Variants in METAP1 observed in about 807,000 individuals in gnomAD.
METAP1 encodes the protein methionyl aminopeptidase 1, also known as methionine aminopeptidase 1.
Under a neutral mutation model 53.8 loss-of-function variants are expected in METAP1, and 28 were observed. That is an observed-to-expected ratio of 0.52 (90% CI 0.39 to 0.71). The LOEUF (loss-of-function observed/expected upper bound fraction) is 0.71. Among genes scored for constraint, METAP1 ranks in the 30% least tolerant of loss-of-function variants. METAP1 has a pLI of 0.00. For missense variants in METAP1, 389 were observed against 479.8 expected (o/e 0.81, Z 1.77); for synonymous variants, 181 against 165.7 (o/e 1.09, Z -0.71).
At chr4:99,019,678 T>C (rs1219958469) in intron 1 of METAP1, among the ~76,000 whole-genome samples, 1 of 152,220 alleles carries the variant, frequency 6.6e-6, no homozygotes, top group Non-Finnish European at 1.5e-5. Context: ...TTGCCTTTTG[T>C]TTTTGTCTGT....
intron 9 of METAP1, among the ~76,000 whole-genome samples, chr4:99,050,172 C>CA (rs1318014277): frequency 2.6e-5 from 4 of 152,048 alleles, no homozygotes; most frequent in Non-Finnish European, 5.9e-5. Flanking sequence ...GGTGGGTGAA[C>CA]ATGGGTGCTT....
chr4:99,023,165 T>C, intron 1 of METAP1: 1 of 636,266 alleles, frequency 1.6e-6, no homozygotes. Context: ...CCTAATTTCA[T>C]TACTTCTAAT....
chr4:99,006,116 A>G (rs960656156), intron 1 of METAP1, among the ~76,000 whole-genome samples: 1 of 152,150 alleles, frequency 6.6e-6, no homozygotes, highest in Admixed American at 6.5e-5. Flanking sequence ...GCCAGTCTGG[A>G]GTTGTGTATT....
chr4:99,044,828 G>A (rs759830773), intron 7 of METAP1, among the ~76,000 whole-genome samples: 7 of 152,172 alleles, frequency 4.6e-5, no homozygotes, highest in Non-Finnish European at 1.0e-4. Context: ...ATGGTATTTT[G>A]TAGCAATGTA....
chr4:99,014,240 T>G (rs1028869842), intron 1 of METAP1, among the ~76,000 whole-genome samples: 1 of 152,228 alleles, frequency 6.6e-6, no homozygotes, highest in African/African-American at 2.4e-5. Context: ...TTAGCTAGCT[T>G]GTTTGATAAA....
chr4:99,008,433 A>AGG (rs1181574900), intron 1 of METAP1, among the ~76,000 whole-genome samples: 1 of 152,220 alleles, frequency 6.6e-6, no homozygotes, highest in East Asian at 1.9e-4. Context: ...TGTTATAAAA[A>AGG]GGAGTACATG....
At chr4:99,037,170 A>G (rs1725482260) in intron 4 of METAP1, among the ~76,000 whole-genome samples, 1 of 151,722 alleles carries the variant, frequency 6.6e-6, no homozygotes, top group African/African-American at 2.4e-5. Flanking sequence ...TTAGAGTACT[A>G]GTTTTTTCCA....
At chr4:99,056,193 G>A (rs867179864) in intron 9 of METAP1, among the ~76,000 whole-genome samples, 3 of 152,164 alleles carry the variant, frequency 2.0e-5, no homozygotes, top group Admixed American at 6.5e-5. Context: ...GAACAACCTC[G>A]CAGAGGAACC....
chr4:99,027,865 T>C (rs1371969629), intron 1 of METAP1, among the ~76,000 whole-genome samples: 3 of 152,164 alleles, frequency 2.0e-5, no homozygotes, highest in Non-Finnish European at 4.4e-5. Flanking sequence ...CTAGCTGAGG[T>C]TGGAGAAACT....
intron 1 of METAP1, among the ~76,000 whole-genome samples, chr4:99,009,579 G>C (rs1336072631): frequency 6.6e-6 from 1 of 152,124 alleles, no homozygotes; most frequent in African/African-American, 2.4e-5. Context: ...GGTATGAGCT[G>C]ATACTTCATA....
At chr4:99,051,741 A>G (rs951638785) in intron 9 of METAP1, among the ~76,000 whole-genome samples, 5 of 151,994 alleles carry the variant, frequency 3.3e-5, no homozygotes, top group South Asian at 2.1e-4. Context: ...AAAATATGCA[A>G]TGATCACTGT....
intron 1 of METAP1, chr4:99,022,713 C>A: frequency 6.6e-7 from 1 of 1,514,502 alleles, no homozygotes; most frequent in South Asian, 1.2e-5. Context: ...TTCCATAGGT[C>A]ATAATGGGAG....
At chr4:98,995,900 G>A (rs1463705192) in intron 1 of METAP1, 33 bp downstream of exon 1, 16 of 1,488,428 alleles carry the variant, frequency 1.1e-5, no homozygotes, top group Non-Finnish European at 1.5e-5. Context: ...ATATGCCGCC[G>A]CTGCGGGACC....
At chr4:99,045,889 A>G (rs1394714392) in intron 8 of METAP1, among the ~76,000 whole-genome samples, 1 of 152,230 alleles carries the variant, frequency 6.6e-6, no homozygotes, top group Non-Finnish European at 1.5e-5. Context: ...AAGTTAGCAT[A>G]TATACCTACA....
chr4:99,023,973 A>G (rs1294616866), intron 1 of METAP1, among the ~76,000 whole-genome samples: 1 of 152,202 alleles, frequency 6.6e-6, no homozygotes, highest in Non-Finnish European at 1.5e-5. Flanking sequence ...ACTACTCCTC[A>G]TATTGTCTTA....
intron 1 of METAP1, among the ~76,000 whole-genome samples, chr4:99,015,325 CTGGGG>C (rs1723695195): frequency 1.3e-5 from 2 of 152,106 alleles, no homozygotes; most frequent in African/African-American, 2.4e-5. Flanking sequence ...GCCGAGACTA[CTGGGG>C]TTGGAGAAGG....
At chr4:99,003,262 T>C (rs1442362483) in intron 1 of METAP1, among the ~76,000 whole-genome samples, 1 of 152,136 alleles carries the variant, frequency 6.6e-6, no homozygotes, top group Non-Finnish European at 1.5e-5. Context: ...CAGAGACTTC[T>C]CTGTGTTTTG....
rs1388979857 is a variant in METAP1, at chr4:99,004,485, ACACAC to A, written c.114+8619_114+8623del. Among the ~76,000 whole-genome samples, 28 of 59,240 alleles carry A rather than the reference ACACAC, an allele frequency of 4.7e-4. No individual in the cohort carries two copies. In the African/African-American group the frequency reaches 6.0e-3, roughly 13 times the overall value. The allele number at this position is 59,240 out of a possible 152,430, so 38.9% of individuals were successfully genotyped here. A position where few individuals can be genotyped will look rare whatever the true frequency, so the allele number is the denominator to read the frequency against. ...CACACACACACACACACACACACATACACACACACACACACACACACACACACAAA... is the reference window on the plus strand; with the variant it reads ...CACACACACACACACACACACACATAACACACACACACACACACACACAAA... On this transcript the variant is annotated intron_variant, in intron 1 of 10. Transcript: ENST00000296411.
At chr4:99,034,744 G>A (rs981012370) in intron 3 of METAP1, among the ~76,000 whole-genome samples, 1 of 152,102 alleles carries the variant, frequency 6.6e-6, no homozygotes, top group East Asian at 1.9e-4. Flanking sequence ...CAGATTGTGC[G>A]TCAACAGATG....
Sources: gnomAD v4.1 joint callset for allele counts (sites outside exome capture counted in the v4.1 genomes callset) on GRCh38, gnomAD v4.1.1 for gene constraint, MANE v1.5 for transcripts, NCBI Gene and HGNC (gene_info 2026-07-23, HGNC 2026-07-21) for gene names.